Variants in LZTFL1 observed in about 807,000 individuals in gnomAD.
LZTFL1 encodes leucine zipper transcription factor-like protein 1.
A neutral mutation model predicts 45.9 loss-of-function variants in LZTFL1; 25 were observed. The ratio of observed to expected loss-of-function variants is 0.54; its 90% CI spans 0.40 to 0.76. The LOEUF (loss-of-function observed/expected upper bound fraction) is 0.76. Ranked by LOEUF, LZTFL1 falls within the 30% of genes least tolerant of loss-of-function variation. The pLI is 0.00. For missense variants in LZTFL1, 277 were observed against 331.1 expected (o/e 0.84, Z 1.27); for synonymous variants, 93 against 117.4 (o/e 0.79, Z 1.35).
chr3:45,886,604 CTG>C (rs746954948), intron 2 of LZTFL1: 5 of 152,258 alleles, frequency 3.3e-5, no homozygotes, highest in Admixed American at 6.5e-5. Context: ...TCCCCAGACA[CTG>C]AGAGCTGGTG....
chr3:45,872,054 G>T (rs1701678786), intron 2 of LZTFL1, among the ~76,000 whole-genome samples: 1 of 152,208 alleles, frequency 6.6e-6, no homozygotes, highest in African/African-American at 2.4e-5. Flanking sequence ...GTGGCAGCAA[G>T]GAATGGCAGG....
chr3:45,835,323 G>GT (rs1700937855), intron 3 of LZTFL1: 1 of 387,388 alleles, frequency 2.6e-6, no homozygotes, highest in African/African-American at 2.1e-5. Flanking sequence ...CAAAAATGCT[G>GT]TAAGAAATAA....
intron 2 of LZTFL1, among the ~76,000 whole-genome samples, chr3:45,875,020 G>A (rs987521953): frequency 6.6e-6 from 1 of 152,102 alleles, no homozygotes; most frequent in African/African-American, 2.4e-5. Flanking sequence ...TCTCAATTGA[G>A]CCCAGCTTAA....
chr3:45,829,608 G>GAAAAAAAA (rs1206418827), intron 7 of LZTFL1, among the ~76,000 whole-genome samples: 10 of 58,906 alleles, frequency 1.7e-4, no homozygotes, highest in Admixed American at 2.4e-4. Context: ...TGTCTCAAAA[G>GAAAAAAAA]AAAAAAAAAA....
At chr3:45,889,784 A>G (rs1702091548) in intron 2 of LZTFL1, among the ~76,000 whole-genome samples, 1 of 151,852 alleles carries the variant, frequency 6.6e-6, no homozygotes, top group Admixed American at 6.6e-5. Context: ...CATGAGGACC[A>G]TCCTTGTTTA....
At chr3:45,894,745 G>A (rs3764864) in intron 2 of LZTFL1, among the ~76,000 whole-genome samples, 11,498 of 152,232 alleles carry the variant, frequency 0.076, 576 homozygotes, top group East Asian at 0.25. Context: ...CTACTCAGAT[G>A]ATTCTGAAAT....
rs1700609881 is a variant in LZTFL1 at position 45,824,311 on chromosome 3, T to C, written c.*2003A>G. 1 of 152,094 alleles carries C rather than the reference T, an allele frequency of 6.6e-6. No individual in the cohort carries two copies. Among genetic ancestry groups the C allele is most frequent in the Non-Finnish European group, 1.5e-5 (1 of 68,012 alleles). 9.4% of individuals were successfully genotyped at this position (152,094 alleles called of 1,614,324 possible). A position where few individuals can be genotyped will look rare whatever the true frequency, so the allele number is the denominator to read the frequency against. ...TAGATAAGTCTTAAAGTTGGGAAAC[T>C]ACTAAAAACAATAAAAATTTAAAAC... On this transcript the variant is annotated 3_prime_UTR_variant, in exon 10 of 10. Transcript: ENST00000296135.
chr3:45,835,821 C>A, intron 2 of LZTFL1, 37 bp from the exon 3 acceptor site: 1 of 1,486,888 alleles, frequency 6.7e-7, no homozygotes, highest in Non-Finnish European at 9.1e-7. Flanking sequence ...TATAGAAAAA[C>A]AACAAGAAAA....
At chr3:45,855,996 A>G (rs895033679) in intron 3 of LZTFL1, among the ~76,000 whole-genome samples, 1 of 152,222 alleles carries the variant, frequency 6.6e-6, no homozygotes, top group Non-Finnish European at 1.5e-5. Context: ...TATAGATTCA[A>G]TGCTATTCCC....
At position 45,885,480 on chromosome 3, in the gene LZTFL1, T is replaced by A. The variant is rs78044818; in HGVS notation, c.-214-26464A>T. ...TTATTGTATTATCTTTGTTAATGTATCTGATGTGCAAAACCTTACTAGATT... is the reference window on the plus strand; with the variant it reads ...TTATTGTATTATCTTTGTTAATGTAACTGATGTGCAAAACCTTACTAGATT... On this transcript the variant is annotated intron_variant, in intron 2 of 4. Transcript: ENST00000472635. 9.7e-3 allele frequency among the ~76,000 whole-genome samples: 1,481 copies of A among 152,332 alleles called. 28 individuals carry two copies. Among genetic ancestry groups the A allele is most frequent in the African/African-American group, 0.033 (1,380 of 41,572 alleles).
chr3:45,867,946 T>A (rs1051420412), intron 2 of LZTFL1, among the ~76,000 whole-genome samples: 1 of 151,924 alleles, frequency 6.6e-6, no homozygotes, highest in Non-Finnish European at 1.5e-5. Context: ...GCTCTGGTGA[T>A]GAGAAGGATT....
chr3:45,888,238 G>A (rs924879189), intron 2 of LZTFL1, among the ~76,000 whole-genome samples: 16 of 152,148 alleles, frequency 1.1e-4, no homozygotes, highest in African/African-American at 3.9e-4. Flanking sequence ...TAGTGCATAT[G>A]TTTTCCCACC....
At chr3:45,828,895 C>T (rs1198329970) in intron 7 of LZTFL1, among the ~76,000 whole-genome samples, 1 of 152,030 alleles carries the variant, frequency 6.6e-6, no homozygotes, top group African/African-American at 2.4e-5. Flanking sequence ...CTGGTATTTC[C>T]ATCCAAGATG....
intron 2 of LZTFL1, among the ~76,000 whole-genome samples, chr3:45,891,623 C>T (rs889003724): frequency 2.6e-5 from 4 of 152,148 alleles, no homozygotes; most frequent in Admixed American, 2.6e-4. Context: ...AATCCGGATG[C>T]AGCACTATCA....
upstream of LZTFL1, among the ~76,000 whole-genome samples, chr3:45,842,563 G>C (rs570225390): frequency 6.6e-6 from 1 of 152,144 alleles, no homozygotes; most frequent in South Asian, 2.1e-4. Context: ...TTCTCAAATA[G>C]AGCTTCAAAC....
At position 45,849,637 on chromosome 3, in the gene LZTFL1, G is replaced by A. The variant is rs142249128; in HGVS notation, c.-49+5349C>T. 3.2e-3 allele frequency among the ~76,000 whole-genome samples: 492 copies of A among 152,202 alleles called. 4 individuals carry two copies. Among genetic ancestry groups the A allele is most frequent in the Non-Finnish European group, 3.1e-3 (214 of 67,996 alleles). On this transcript the variant is annotated intron_variant, in intron 4 of 4. Coordinates refer to the LZTFL1 transcript ENST00000472635. ...GAGGGAATTTATCTGACTTCCACCC[G>A]GTCAGCCTGCAAAACTAACCCAAGT...
intron 2 of LZTFL1, among the ~76,000 whole-genome samples, chr3:45,909,354 G>A (rs1702744568): frequency 6.6e-6 from 1 of 152,082 alleles, no homozygotes; most frequent in African/African-American, 2.4e-5. Context: ...GGGGACCGCT[G>A]GTATAATGAA....
At position 45,823,514 on chromosome 3, in the gene LZTFL1, T is replaced by C. The variant is rs1058961; in HGVS notation, c.*2800A>G. ...TGACACAATCCAAAAGACACCACAG[T>C]CCCCCACAAAAGCCTCCAAACCAGT... On this transcript the variant is annotated 3_prime_UTR_variant, in exon 10 of 10. Coordinates refer to ENST00000296135, the MANE Select transcript of LZTFL1 (RefSeq NM_020347.4). 0.57 allele frequency: 87,233 copies of C among 152,116 alleles called. 26,943 individuals carry two copies. The highest frequency in any genetic ancestry group is 0.8 in the South Asian group (3,845 of 4,818). 9.4% of individuals were successfully genotyped at this position (152,116 alleles called of 1,614,324 possible). A position where few individuals can be genotyped will look rare whatever the true frequency, so the allele number is the denominator to read the frequency against.
intron 3 of LZTFL1, among the ~76,000 whole-genome samples, chr3:45,856,144 G>A (rs562661635): frequency 2.0e-5 from 3 of 152,152 alleles, no homozygotes; most frequent in South Asian, 2.1e-4. Flanking sequence ...TATACTACAA[G>A]GCTACAGTAA....
Sources: allele counts gnomAD v4.1 joint callset (sites outside exome capture counted in the v4.1 genomes callset), GRCh38; gene constraint gnomAD v4.1.1; transcripts MANE v1.5; gene names NCBI Gene and HGNC (gene_info 2026-07-23, HGNC 2026-07-21).